The following FHOD3 variants were observed in gnomAD, a reference collection of about 807,000 sequenced individuals.
FHOD3 encodes the protein FH1/FH2 domain-containing protein 3.
Under a neutral mutation model 173.0 loss-of-function variants are expected in FHOD3, and 90 were observed. The observed-to-expected ratio is 0.52, with a 90% CI of 0.44 to 0.62. The LOEUF is 0.62. Among genes scored for constraint, FHOD3 ranks in the 20% least tolerant of loss-of-function variants. FHOD3 has a pLI of 0.00. For missense variants in FHOD3, 1,945 were observed against 2,034.7 expected, an observed-to-expected ratio of 0.96 and a Z score of 0.85; for synonymous variants, 828 against 823.0, an observed-to-expected ratio of 1.01 and a Z score of -0.10.
rs562035482 is a variant in FHOD3 at position 36,776,645 on chromosome 18, T to C, written c.4787-2803T>C. On this transcript the variant is annotated intron_variant, in intron 28 of 28. Transcript: ENST00000590592. ...TTCATAAATGGGGAAGACTTTTCCA[T>C]GAATACTCGCTTTTCAGGGATACAT... Among the ~76,000 whole-genome samples the C allele has an allele frequency of 7.2e-5, 11 of 152,328 alleles. No individual in the cohort carries two copies. The East Asian group carries it at 2.1e-3, about 29-fold the overall frequency.
At chr18:36,774,802 C>A (rs1480390048) in intron 28 of FHOD3, among the ~76,000 whole-genome samples, 4 of 152,152 alleles carry the variant, frequency 2.6e-5, no homozygotes, top group African/African-American at 9.7e-5. Flanking sequence ...CCACGAAGGT[C>A]CTATTTTTGC....
At chr18:36,689,465 T>G (rs902707539) in intron 16 of FHOD3, among the ~76,000 whole-genome samples, 2 of 152,198 alleles carry the variant, frequency 1.3e-5, no homozygotes, top group Non-Finnish European at 2.9e-5. Flanking sequence ...TCTGGATACA[T>G]GTTATATTAT....
rs556159326 is a variant in FHOD3 at position 36,307,625 on chromosome 18, A to T, written c.165+9625A>T. Reference sequence around the variant, plus strand: ...GATGTGCATGTGTCTTGTACTCTAAAGTATCTTCACACTGTAGTTCCATGC... The same window carrying T: ...GATGTGCATGTGTCTTGTACTCTAATGTATCTTCACACTGTAGTTCCATGC... On this transcript the variant is annotated intron_variant, in intron 1 of 28. Coordinates refer to ENST00000590592, the MANE Select transcript of FHOD3 (RefSeq NM_001281740.3). Among the ~76,000 whole-genome samples, 5 of 152,354 alleles carry T rather than the reference A, an allele frequency of 3.3e-5. No individual in the cohort carries two copies. The South Asian group carries it at 1.0e-3, about 32-fold the overall frequency.
At chr18:36,742,458 C>T (rs974464475) in intron 21 of FHOD3, among the ~76,000 whole-genome samples, 1 of 152,070 alleles carries the variant, frequency 6.6e-6, no homozygotes, top group Admixed American at 6.5e-5. Flanking sequence ...CAGCCACAGC[C>T]AGAAAGGAGA....
At chr18:36,451,725 T>C (rs1408828358) in intron 3 of FHOD3, among the ~76,000 whole-genome samples, 2 of 152,190 alleles carry the variant, frequency 1.3e-5, no homozygotes, top group Non-Finnish European at 2.9e-5. Flanking sequence ...CAGGATGAAA[T>C]CAGCTTCTCT....
intron 5 of FHOD3, among the ~76,000 whole-genome samples, chr18:36,534,755 G>C (rs959759586): frequency 6.6e-6 from 1 of 152,160 alleles, no homozygotes; most frequent in Non-Finnish European, 1.5e-5. Flanking sequence ...CCTTTCCCCT[G>C]TTTTACAAAG....
At chr18:36,328,141 G>T (rs1205155027) in intron 1 of FHOD3, among the ~76,000 whole-genome samples, 2 of 152,196 alleles carry the variant, frequency 1.3e-5, no homozygotes, top group Admixed American at 6.5e-5. Context: ...GAGGGCAGTG[G>T]CCAGGACAAA....
intron 3 of FHOD3, among the ~76,000 whole-genome samples, chr18:36,453,510 C>T (rs182889403): frequency 3.3e-5 from 5 of 152,344 alleles, no homozygotes; most frequent in Admixed American, 6.5e-5. Context: ...ACGTGCTCTG[C>T]GCAATGCAGC....
chr18:36,769,470 T>C, intron 28 of FHOD3, 44 bp downstream of exon 28: 2 of 1,594,060 alleles, frequency 1.3e-6, no homozygotes, highest in East Asian at 2.2e-5. Flanking sequence ...CCTACAGGGA[T>C]CTGCCCTCCC....
intron 3 of FHOD3, among the ~76,000 whole-genome samples, chr18:36,449,508 T>A (rs2051696701): frequency 6.6e-6 from 1 of 152,210 alleles, no homozygotes; most frequent in African/African-American, 2.4e-5. Flanking sequence ...CACAGGTCCA[T>A]CTGACCCCAG....
At chr18:36,667,373 C>T (rs1197446786) in intron 14 of FHOD3, among the ~76,000 whole-genome samples, 3 of 152,170 alleles carry the variant, frequency 2.0e-5, no homozygotes, top group African/African-American at 7.2e-5. Context: ...ACAAAAACTA[C>T]CAAAACTCAC....
intron 6 of FHOD3, among the ~76,000 whole-genome samples, chr18:36,591,281 A>C (rs886988738): frequency 6.6e-6 from 1 of 152,198 alleles, no homozygotes; most frequent in Non-Finnish European, 1.5e-5. Flanking sequence ...CAGCACTCTA[A>C]AGTACTCAGC....
intron 21 of FHOD3, 106 bp from the exon 22 acceptor site, chr18:36,742,631 G>T (rs893397854): frequency 1.3e-5 from 17 of 1,275,678 alleles, no homozygotes; most frequent in Non-Finnish European, 2.2e-6. Context: ...GGATTGCCTT[G>T]TGCTGGGGAG....
rs1464836228 is a variant in FHOD3 at position 36,512,500 on chromosome 18, G to A, written c.468G>A (p.Val156=). ...VAEGLTCLIK[V]GAEADQNYQN... ...AAGGTCTGACATGTTTGATCAAGGT[G>A]GGAGCTGAGGCTGATCAGAACTATC... The change falls in exon 5 of 29, where the codon GTG becomes GTA. Residue 156 remains valine (V), a synonymous_variant. Coordinates refer to ENST00000590592, the MANE Select transcript of FHOD3 (RefSeq NM_001281740.3). 6.2e-7 allele frequency: 1 copy of A among 1,613,976 alleles called. No homozygotes were observed. Among genetic ancestry groups the A allele is most frequent in the Non-Finnish European group, 8.5e-7 (1 of 1,180,012 alleles).
At chr18:36,364,150 G>A (rs2046772622) in intron 2 of FHOD3, among the ~76,000 whole-genome samples, 1 of 152,144 alleles carries the variant, frequency 6.6e-6, no homozygotes, top group Non-Finnish European at 1.5e-5. Flanking sequence ...AAGACAGGGA[G>A]GCATGTATTG....
At chr18:36,598,767 T>G (rs2030894818) in intron 7 of FHOD3, among the ~76,000 whole-genome samples, 1 of 152,148 alleles carries the variant, frequency 6.6e-6, no homozygotes, top group Admixed American at 6.5e-5. Context: ...GCCAGGATGG[T>G]CTCCATCTCC....
At chr18:36,324,185 T>C (rs1351330320) in intron 1 of FHOD3, among the ~76,000 whole-genome samples, 1 of 152,208 alleles carries the variant, frequency 6.6e-6, no homozygotes. Context: ...CACATGGAAA[T>C]AAATGCATCT....
At chr18:36,537,008 G>C (rs1215327209) in intron 5 of FHOD3, among the ~76,000 whole-genome samples, 1 of 152,192 alleles carries the variant, frequency 6.6e-6, no homozygotes, top group African/African-American at 2.4e-5. Flanking sequence ...AATCTGATGT[G>C]ATCTTGGTTT....
intron 5 of FHOD3, among the ~76,000 whole-genome samples, chr18:36,536,673 AG>A (rs1422922910): frequency 6.6e-6 from 1 of 152,128 alleles, no homozygotes; most frequent in African/African-American, 2.4e-5. Flanking sequence ...GCATCTGGTT[AG>A]GATCAAAGGA....
Sources: allele counts gnomAD v4.1 joint callset (sites outside exome capture counted in the v4.1 genomes callset), GRCh38; gene constraint gnomAD v4.1.1; transcripts MANE v1.5; gene names NCBI Gene and HGNC (gene_info 2026-07-23, HGNC 2026-07-21).